FBXL13: variants seen among roughly 807,000 people sequenced by gnomAD.
FBXL13 encodes the protein F-box and leucine-rich repeat protein 13.
A neutral mutation model predicts 83.6 loss-of-function variants in FBXL13; 67 were observed. The observed-to-expected ratio is 0.80, with a 90% CI of 0.66 to 0.98. FBXL13 has a LOEUF of 0.98. FBXL13 is among the 50% of genes least tolerant of loss of function. The probability of loss-of-function intolerance (pLI) is 0.00; values close to 1 mark genes in which losing one functional copy is unlikely to be tolerated. For missense variants in FBXL13, 822 were observed against 866.5 expected, an observed-to-expected ratio of 0.95 and a Z score of 0.64; for synonymous variants, 272 against 299.5, an observed-to-expected ratio of 0.91 and a Z score of 0.95.
chr7:102,896,187 GCTTTT>G (rs763699867), intron 11 of FBXL13, among the ~76,000 whole-genome samples: 1 of 152,186 alleles, frequency 6.6e-6, no homozygotes, highest in Admixed American at 6.5e-5. Context: ...TCCTTCCAAG[GCTTTT>G]CTTTTATTAA....
At chr7:103,047,969 T>G (rs942885234) in intron 2 of FBXL13, among the ~76,000 whole-genome samples, 3 of 152,238 alleles carry the variant, frequency 2.0e-5, no homozygotes, top group Non-Finnish European at 2.9e-5. Flanking sequence ...GTGTTGGGAT[T>G]ACAGGCATGA....
At chr7:102,831,095 C>T (rs554448866) in intron 18 of FBXL13, among the ~76,000 whole-genome samples, 18 of 152,246 alleles carry the variant, frequency 1.2e-4, no homozygotes, top group African/African-American at 4.3e-4. Flanking sequence ...TTGGGCTAGT[C>T]AGGGTTCCCA....
chr7:102,866,734 T>C (rs1333450190), intron 16 of FBXL13, among the ~76,000 whole-genome samples: 1 of 152,176 alleles, frequency 6.6e-6, no homozygotes, highest in Non-Finnish European at 1.5e-5. Context: ...GCCCAGAGCA[T>C]AGCTGAGACA....
chr7:103,025,210 T>A, exon 6 of FBXL13: 1 of 1,580,620 alleles, frequency 6.3e-7, no homozygotes, highest in South Asian at 1.1e-5. Flanking sequence ...ATTTTTTCAA[T>A]TGAAGTTCAT....
At chr7:102,931,753 T>G in intron 9 of FBXL13, 128 bp downstream of exon 10, 1 of 768,030 alleles carries the variant, frequency 1.3e-6, no homozygotes, top group Admixed American at 2.7e-5. Context: ...TTGTCAATGT[T>G]TAACATAGTT....
rs560279268 is a variant in FBXL13, at chr7:103,022,882, A to T, written c.495+2181T>A. On this transcript the variant is annotated intron_variant, in intron 6 of 19. Coordinates refer to ENST00000313221, the Ensembl canonical transcript of FBXL13. ...AAAAGAAACTATCAACAGAATAAACAGACAACCTATAGAATGGTATAAAAC... is the reference window on the plus strand; with the variant it reads ...AAAAGAAACTATCAACAGAATAAACTGACAACCTATAGAATGGTATAAAAC... Among the ~76,000 whole-genome samples, 3 of 152,362 alleles carry T rather than the reference A, an allele frequency of 2.0e-5. No homozygotes were observed. In the South Asian group the frequency reaches 6.2e-4, roughly 32 times the overall value.
chr7:102,926,450 C>T, intron 9 of FBXL13, 76 bp from the exon 11 acceptor site: 1 of 1,128,404 alleles, frequency 8.9e-7, no homozygotes, highest in Non-Finnish European at 1.3e-6. Context: ...TTTCTATTAT[C>T]CCTCTTCCTG....
exon 16 of FBXL13, chr7:102,877,539 T>C: frequency 6.2e-7 from 1 of 1,611,650 alleles, no homozygotes; most frequent in Non-Finnish European, 8.5e-7. Context: ...ATCCAATTCC[T>C]TGGGCAGTCA....
intron 11 of FBXL13, among the ~76,000 whole-genome samples, chr7:102,904,831 G>C (rs1232650703): frequency 6.6e-6 from 1 of 152,016 alleles, no homozygotes; most frequent in African/African-American, 2.4e-5. Context: ...TTTGTTTCAA[G>C]AAATTTTTCA....
At chr7:103,000,930 C>A (rs1038384195) in intron 6 of FBXL13, among the ~76,000 whole-genome samples, 1 of 151,962 alleles carries the variant, frequency 6.6e-6, no homozygotes, top group Admixed American at 6.6e-5. Flanking sequence ...TTTCCAATTA[C>A]GTGAAATATT....
chr7:102,852,610 G>C (rs1436967722), intron 17 of FBXL13, among the ~76,000 whole-genome samples: 1 of 152,138 alleles, frequency 6.6e-6, no homozygotes, highest in Non-Finnish European at 1.5e-5. Flanking sequence ...CAAATGATCA[G>C]GGAAATGTAA....
rs202172408 is a variant in FBXL13 at position 103,029,345 on chromosome 7, TC to T, written c.68+5del. ...GAGGAAGAAATTGTAAAAATCACATTCTTACCAAAAATGAGTCTTTACTAAA... is the reference window on the plus strand; with the variant it reads ...GAGGAAGAAATTGTAAAAATCACATTTTACCAAAAATGAGTCTTTACTAAA... On this transcript the variant is annotated splice_donor_5th_base_variant and intron_variant, in intron 3 of 19. Transcript: ENST00000313221. 82 of 1,527,392 alleles carry T rather than the reference TC, an allele frequency of 5.4e-5. No homozygotes were observed. In the East Asian group the frequency reaches 1.9e-3, roughly 35 times the overall value. The allele number at this position is 1,527,392 out of a possible 1,614,324, so 94.6% of individuals were successfully genotyped here. A position where few individuals can be genotyped will look rare whatever the true frequency, so the allele number is the denominator to read the frequency against.
intron 9 of FBXL13, among the ~76,000 whole-genome samples, chr7:102,928,887 A>G (rs2129472528): frequency 6.6e-6 from 1 of 152,358 alleles, no homozygotes. Context: ...GAGTGCAACC[A>G]GAGAAAGCAG....
intron 15 of FBXL13, 114 bp downstream of exon 16, chr7:102,878,217 G>T: frequency 1.2e-6 from 1 of 850,662 alleles, no homozygotes; most frequent in Non-Finnish European, 1.6e-6. Context: ...CAGCTTCTGG[G>T]CATCTCTGAT....
At chr7:102,981,404 C>CTGTG (rs61509300) in intron 6 of FBXL13, among the ~76,000 whole-genome samples, 2 of 151,760 alleles carry the variant, frequency 1.3e-5, no homozygotes, top group African/African-American at 4.8e-5. Flanking sequence ...CACACCTTTC[C>CTGTG]CCCCCTTACC....
chr7:102,915,123 T>TATA (rs1554454401), intron 10 of FBXL13, among the ~76,000 whole-genome samples: 2 of 75,842 alleles, frequency 2.6e-5, no homozygotes, highest in African/African-American at 1.2e-4. Flanking sequence ...GATTAAAATA[T>TATA]TTTTTTTTTT....
chr7:102,822,308 G>T, intron 18 of FBXL13, 105 bp from the exon 20 acceptor site: 1 of 1,053,192 alleles, frequency 9.5e-7, no homozygotes, highest in Non-Finnish European at 1.5e-6. Flanking sequence ...ACAGACTGTG[G>T]CTTAAACATC....
chr7:102,913,249 T>C lies in FBXL13; in HGVS notation c.879-34A>G, dbSNP rs768385348. The stretch of plus-strand genomic sequence containing the variant: ...ACAAAAGAGAGGAAGGAAAGTATTA[T>C]ACTTCCGTTGTTCTCTCAAATCTTT... On this transcript the variant is annotated intron_variant, in intron 10 of 19. Transcript: ENST00000313221. 2.8e-5 allele frequency: 45 copies of C among 1,612,930 alleles called. No individual in the cohort carries two copies. In the East Asian group the frequency reaches 4.5e-4, roughly 16 times the overall value.
At chr7:102,833,060 T>G in intron 17 of FBXL13, 86 bp from the exon 19 acceptor site, 1 of 1,420,676 alleles carries the variant, frequency 7.0e-7, no homozygotes, top group Non-Finnish European at 9.6e-7. Context: ...AATGTACATT[T>G]CAGTCCCTGA....
Sources: allele counts gnomAD v4.1 joint callset (sites outside exome capture counted in the v4.1 genomes callset), GRCh38; gene constraint gnomAD v4.1.1; transcripts MANE v1.5; gene names NCBI Gene and HGNC (gene_info 2026-07-23, HGNC 2026-07-21).